SNRPN: variants seen among roughly 807,000 people sequenced by gnomAD.
SNRPN encodes small nuclear ribonucleoprotein-associated protein N.
In SNRPN, 7 loss-of-function variants were observed where a neutral mutation model predicts 25.2. That is an observed-to-expected ratio of 0.28 (90% CI 0.16 to 0.52). The LOEUF (loss-of-function observed/expected upper bound fraction) is 0.52, where lower values mean the gene tolerates loss of function less well. Ranked by LOEUF, SNRPN falls within the 20% of genes least tolerant of loss-of-function variation. The pLI, the probability that SNRPN is intolerant of heterozygous loss-of-function variation, is 0.96. For missense variants in SNRPN, 196 were observed against 322.5 expected, an observed-to-expected ratio of 0.61 and a Z score of 3.00; for synonymous variants, 124 against 110.6, an observed-to-expected ratio of 1.12 and a Z score of -0.76.
At chr15:24,967,087 C>T (rs1212584617) in intron 2 of SNRPN, 1 of 152,182 alleles carries the variant, frequency 6.6e-6, no homozygotes, top group African/African-American at 2.4e-5. Flanking sequence ...CCTGCAAATG[C>T]TTTAGCAGCA....
intron 2 of SNRPN, among the ~76,000 whole-genome samples, chr15:24,887,491 G>A (rs1398494994): frequency 6.6e-6 from 1 of 150,994 alleles, no homozygotes; most frequent in Admixed American, 6.6e-5. Flanking sequence ...CTCTGGCCAT[G>A]AGCATCAGTC....
At chr15:24,973,859 G>GCCA (rs768679698) in intron 3 of SNRPN, among the ~76,000 whole-genome samples, 2 of 152,110 alleles carry the variant, frequency 1.3e-5, no homozygotes, top group African/African-American at 2.4e-5. Flanking sequence ...AAGATTACCT[G>GCCA]CCATCATCTT....
intron 1 of SNRPN, among the ~76,000 whole-genome samples, chr15:24,864,558 G>A (rs963253317): frequency 5.9e-5 from 9 of 151,654 alleles, no homozygotes; most frequent in Non-Finnish European, 1.2e-4. Context: ...TGGTCAGGCT[G>A]GTCTCCAACT....
chr15:24,912,456 T>C (rs1004683308), intron 2 of SNRPN: 2 of 152,194 alleles, frequency 1.3e-5, no homozygotes, highest in African/African-American at 4.8e-5. Flanking sequence ...ACTTTCGACT[T>C]ACACTTGAAA....
chr15:24,923,625 A>G (rs1305028083), intron 3 of SNRPN, among the ~76,000 whole-genome samples: 4 of 152,240 alleles, frequency 2.6e-5, no homozygotes, highest in African/African-American at 2.4e-5. Flanking sequence ...TTCAACTATA[A>G]ATAAAAAATA....
Position 24,831,111 on chromosome 15 carries a change from C to T in SNRPN, c.-579+1206C>T, listed in dbSNP as rs553038658. Among the ~76,000 whole-genome samples the T allele has an allele frequency of 9.2e-5, 14 of 152,080 alleles. No individual in the cohort carries two copies. The South Asian group carries it at 2.9e-3, about 32-fold the overall frequency. On this transcript the variant is annotated intron_variant, in intron 2 of 12. Transcript: ENST00000400100. ...CCTCACGTAGACTGATGCCCTGTTGCTCTGTTGTTACATGCATATATATTA... is the reference window on the plus strand; with the variant it reads ...CCTCACGTAGACTGATGCCCTGTTGTTCTGTTGTTACATGCATATATATTA...
At chr15:24,831,220 T>G (rs969079906) in intron 2 of SNRPN, among the ~76,000 whole-genome samples, 1 of 152,078 alleles carries the variant, frequency 6.6e-6, no homozygotes, top group Non-Finnish European at 1.5e-5. Context: ...GTATTTACAT[T>G]ACATTCTTTC....
At position 24,977,017 on chromosome 15, in the gene SNRPN, A is replaced by T. The variant is rs368006860; in HGVS notation, c.408A>T (p.Gly136=). ...GLAGPVRGVG[G]PSQQVMTPQG... The stretch of plus-strand genomic sequence containing the variant: ...CAGGCCCTGTCCGAGGAGTTGGGGG[A>T]CCATCCCAGCAGGTGAGGAACCAGC... The change falls in exon 7 of 10, where the codon GGA becomes GGT. Residue 136 remains glycine (G), a synonymous_variant. Coordinates refer to ENST00000390687, the MANE Select transcript of SNRPN (RefSeq NM_003097.6). 1.5e-4 allele frequency: 230 copies of T among 1,576,290 alleles called. 1 individual carries two copies. The highest frequency in any genetic ancestry group is 1.5e-5 in the Non-Finnish European group (17 of 1,163,738).
At chr15:24,960,244 G>A (rs764225362) in intron 1 of SNRPN, among the ~76,000 whole-genome samples, 1 of 152,130 alleles carries the variant, frequency 6.6e-6, no homozygotes, top group African/African-American at 2.4e-5. Context: ...ACATTTTTAG[G>A]AAGTTGGCAA....
At chr15:24,878,680 C>T (rs764759551) in intron 1 of SNRPN, among the ~76,000 whole-genome samples, 6 of 152,010 alleles carry the variant, frequency 3.9e-5, no homozygotes, top group Non-Finnish European at 7.4e-5. Context: ...CTGTAACAGC[C>T]CCTCCTCTTG....
chr15:24,950,552 T>C (rs2153212805), upstream of SNRPN, among the ~76,000 whole-genome samples: 1 of 147,102 alleles, frequency 6.8e-6, no homozygotes, highest in East Asian at 2.0e-4. Context: ...TTCTTTTTTT[T>C]TTTTTTTTTT....
intron 3 of SNRPN, among the ~76,000 whole-genome samples, chr15:24,935,038 G>A (rs1451358153): frequency 4.6e-5 from 7 of 152,060 alleles, no homozygotes; most frequent in African/African-American, 1.4e-4. Context: ...TTGGGAGGCC[G>A]TTGCAGGCCG....
At chr15:24,908,957 C>T (rs2059036364) in intron 2 of SNRPN, 2 of 1,355,030 alleles carry the variant, frequency 1.5e-6, no homozygotes, top group Admixed American at 1.8e-5. Flanking sequence ...CTTCTGAGCT[C>T]TGAGGAAGCT....
intron 1 of SNRPN, among the ~76,000 whole-genome samples, chr15:24,872,778 G>A (rs1370111037): frequency 1.0e-5 from 1 of 95,900 alleles, no homozygotes; most frequent in African/African-American, 3.7e-5. Context: ...AGCTGGGTGC[G>A]GTGGCTTACG....
At chr15:24,975,744 T>C (rs968128233) in intron 5 of SNRPN, among the ~76,000 whole-genome samples, 1 of 152,210 alleles carries the variant, frequency 6.6e-6, no homozygotes, top group Non-Finnish European at 1.5e-5. Flanking sequence ...GTATATGCTA[T>C]GGTCAGAATA....
intron 3 of SNRPN, among the ~76,000 whole-genome samples, chr15:24,971,216 T>G (rs1030938451): frequency 6.6e-6 from 1 of 152,232 alleles, no homozygotes; most frequent in African/African-American, 2.4e-5. Flanking sequence ...GTTAATTTGC[T>G]TATGTGCCCT....
chr15:24,886,628 A>G (rs1393469924), intron 2 of SNRPN: 1 of 148,288 alleles, frequency 6.7e-6, no homozygotes, highest in Non-Finnish European at 1.5e-5. Flanking sequence ...TCCTGTCAGT[A>G]AAATGGTAGG....
intron 2 of SNRPN, among the ~76,000 whole-genome samples, chr15:24,888,152 G>A (rs35747790): frequency 0.12 from 17,480 of 142,898 alleles, 1,233 homozygotes; most frequent in Admixed American, 0.25. Flanking sequence ...TCTGTTGCCC[G>A]GGCTAGAATG....
intron 1 of SNRPN, among the ~76,000 whole-genome samples, chr15:24,882,442 A>G (rs1206756001): frequency 6.6e-6 from 1 of 152,192 alleles, no homozygotes; most frequent in Non-Finnish European, 1.5e-5. Flanking sequence ...CACAGAGACT[A>G]AGAGTGTGTG....
Sources: gnomAD v4.1 joint callset for allele counts (sites outside exome capture counted in the v4.1 genomes callset) on GRCh38, gnomAD v4.1.1 for gene constraint, MANE v1.5 for transcripts, NCBI Gene and HGNC (gene_info 2026-07-23, HGNC 2026-07-21) for gene names.